CFI: variants seen among roughly 807,000 people sequenced by gnomAD.
CFI encodes the protein complement factor I.
A neutral mutation model predicts 78.8 loss-of-function variants in CFI; 66 were observed. The ratio of observed to expected loss-of-function variants is 0.84; its 90% CI spans 0.69 to 1.03. CFI has a LOEUF of 1.03. Ranked by LOEUF, CFI falls within the 50% of genes least tolerant of loss-of-function variation. The pLI is 0.00. For missense variants in CFI, 706 were observed against 704.5 expected, an observed-to-expected ratio of 1.00 and a Z score of -0.02; for synonymous variants, 250 against 232.6, an observed-to-expected ratio of 1.07 and a Z score of -0.68.
At chr4:109,772,939 C>T (rs1462496122) in intron 1 of CFI, among the ~76,000 whole-genome samples, 2 of 152,086 alleles carry the variant, frequency 1.3e-5, no homozygotes, top group South Asian at 2.1e-4. Flanking sequence ...TTACTAAAAT[C>T]GTATTTTCCT....
chr4:109,775,019 GA>G (rs1226394633), intron 1 of CFI, among the ~76,000 whole-genome samples: 2 of 152,048 alleles, frequency 1.3e-5, no homozygotes, highest in Non-Finnish European at 2.9e-5. Context: ...TCAGTTCAAA[GA>G]ATTTTTAAAT....
At chr4:109,751,019 G>A (rs1015199318) in intron 8 of CFI, among the ~76,000 whole-genome samples, 22 of 152,260 alleles carry the variant, frequency 1.4e-4, no homozygotes, top group African/African-American at 4.3e-4. Flanking sequence ...TCTCTGAGTC[G>A]GGAGAGAACT....
At chr4:109,772,327 G>C (rs1400270778) in intron 1 of CFI, among the ~76,000 whole-genome samples, 3 of 152,220 alleles carry the variant, frequency 2.0e-5, no homozygotes, top group Non-Finnish European at 4.4e-5. Flanking sequence ...TTATTAAAGA[G>C]GTTTGTAAAT....
At chr4:109,783,481 C>G (rs192755200) in intron 1 of CFI, among the ~76,000 whole-genome samples, 9 of 152,074 alleles carry the variant, frequency 5.9e-5, no homozygotes, top group African/African-American at 2.2e-4. Context: ...GTGATACCAC[C>G]TTACTCCTGC....
chr4:109,749,709 C>T, intron 8 of CFI, 107 bp from the exon 9 acceptor site: 1 of 736,296 alleles, frequency 1.4e-6, no homozygotes, highest in Non-Finnish European at 2.5e-6. Flanking sequence ...ACAGCCAGTA[C>T]AAGACAGGCT....
In CFI at chr4:109,794,954, G is replaced by GT. The variant is rs1212492759; in HGVS notation, c.57+6960dup. On this transcript the variant is annotated intron_variant, in intron 1 of 12. Transcript: ENST00000394634. ...CTTGTCTTCCCACAGAAACACCAAT[G>GT]TAACAACCATCTACAAATAAAAATA... is the stretch of plus-strand genomic sequence containing the variant. 4.6e-5 allele frequency among the ~76,000 whole-genome samples: 7 copies of GT among 152,272 alleles called. No individual in the cohort carries two copies. The East Asian group carries it at 1.2e-3, about 25-fold the overall frequency.
chr4:109,756,001 G>A (rs1381895447), intron 7 of CFI, among the ~76,000 whole-genome samples: 1 of 150,176 alleles, frequency 6.7e-6, no homozygotes, highest in Non-Finnish European at 1.5e-5. Context: ...GTAATGAGTT[G>A]TGAAAAGAAA....
At chr4:109,738,539 C>T (rs1201457172), downstream of CFI, among the ~76,000 whole-genome samples, 4 of 152,190 alleles carry the variant, frequency 2.6e-5, no homozygotes, top group South Asian at 2.1e-4. Flanking sequence ...TCCCTGCCGC[C>T]ATCAAGAGAT....
chr4:109,756,695 A>T (rs772305791), intron 7 of CFI, among the ~76,000 whole-genome samples: 2 of 151,470 alleles, frequency 1.3e-5, no homozygotes, highest in Non-Finnish European at 2.9e-5. Context: ...CCCCATCTCC[A>T]CTAAAAATAC....
rs901727154 is a variant in CFI at position 109,747,757 on chromosome 4, G to A, written c.1149-1255C>T. On this transcript the variant is annotated intron_variant, in intron 10 of 12. Transcript: ENST00000394634. ...TTTTGGCACCAGGGACAGGTTTTGT[G>A]GAAGACAATTTTTCCATGGAACTGT... 3.9e-5 allele frequency among the ~76,000 whole-genome samples: 6 copies of A among 152,266 alleles called. No individual in the cohort carries two copies. In the East Asian group the frequency reaches 9.6e-4, roughly 24 times the overall value.
intron 6 of CFI, chr4:109,757,995 A>C (rs1300711865): frequency 7.1e-7 from 1 of 1,412,764 alleles, no homozygotes; most frequent in East Asian, 2.5e-5. Context: ...TATAGCAAAG[A>C]GATCATTTTG....
At chr4:109,798,330 G>A (rs1460859011) in intron 1 of CFI, among the ~76,000 whole-genome samples, 1 of 152,126 alleles carries the variant, frequency 6.6e-6, no homozygotes, top group Non-Finnish European at 1.5e-5. Flanking sequence ...GTTGTTACAT[G>A]CACACACAAA....
At chr4:109,796,963 C>A (rs559077596) in intron 1 of CFI, among the ~76,000 whole-genome samples, 1 of 152,266 alleles carries the variant, frequency 6.6e-6, no homozygotes, top group East Asian at 1.9e-4. Context: ...CATTCCTTCA[C>A]TGAAAGAATT....
At position 109,764,190 on chromosome 4, in the gene CFI, A is replaced by G. The variant is rs141620309; in HGVS notation, c.482+347T>C. Among the ~76,000 whole-genome samples the G allele has an allele frequency of 1.5e-3, 227 of 151,798 alleles. 1 individual carries two copies. The East Asian group carries it at 0.038, about 26-fold the overall frequency. On this transcript the variant is annotated intron_variant, in intron 3 of 12. Transcript: ENST00000394634. Reference sequence around the variant, plus strand: ...TATAAACTATATTATATAACTATAAACTATACTCACACACAGTATATAAAC... The same window carrying G: ...TATAAACTATATTATATAACTATAAGCTATACTCACACACAGTATATAAAC...
intron 1 of CFI, among the ~76,000 whole-genome samples, chr4:109,776,729 G>A (rs1729298238): frequency 6.6e-6 from 1 of 152,174 alleles, no homozygotes; most frequent in Non-Finnish European, 1.5e-5. Flanking sequence ...AGAGAAAGGT[G>A]GGGTTACCCA....
chr4:109,744,861 C>T (rs1001168254), intron 11 of CFI, among the ~76,000 whole-genome samples: 1 of 152,070 alleles, frequency 6.6e-6, no homozygotes, highest in Admixed American at 6.6e-5. Flanking sequence ...ACTTTAATCT[C>T]TATTTTTGTG....
chr4:109,741,391 T>C, intron 12 of CFI: 3 of 983,558 alleles, frequency 3.1e-6, no homozygotes, highest in Non-Finnish European at 3.6e-6. Context: ...ACCTGAAAGT[T>C]GCATCAAATG....
intron 1 of CFI, among the ~76,000 whole-genome samples, chr4:109,789,581 C>G (rs968495014): frequency 7.2e-5 from 11 of 151,966 alleles, no homozygotes; most frequent in African/African-American, 2.7e-4. Flanking sequence ...AAATATCATT[C>G]AAAAATTTAG....
chr4:109,785,476 C>A (rs1210669665), intron 1 of CFI, among the ~76,000 whole-genome samples: 1 of 151,968 alleles, frequency 6.6e-6, no homozygotes, highest in Admixed American at 6.6e-5. Context: ...ATTAGGAGCA[C>A]ATATTCAGAA....
Sources: gnomAD v4.1 joint callset for allele counts (sites outside exome capture counted in the v4.1 genomes callset) on GRCh38, gnomAD v4.1.1 for gene constraint, MANE v1.5 for transcripts, NCBI Gene and HGNC (gene_info 2026-07-23, HGNC 2026-07-21) for gene names.